The following GNAI2 variants were observed in gnomAD, a reference collection of about 807,000 sequenced individuals.
The protein encoded by GNAI2 is guanine nucleotide-binding protein G(i) subunit alpha-2.
In GNAI2, 4 loss-of-function variants were observed where a neutral mutation model predicts 36.8. The observed-to-expected ratio is 0.11, with a 90% CI of 0.05 to 0.25. The LOEUF is 0.25. Among genes scored for constraint, GNAI2 ranks in the 10% least tolerant of loss-of-function variants. The pLI is 1.00. For synonymous variants in GNAI2, 194 were observed against 194.1 expected, an observed-to-expected ratio of 1.00 and a Z score of 0.01; for missense variants, 230 against 481.3, an observed-to-expected ratio of 0.48 and a Z score of 4.89.
At chr3:50,248,140 CAGG>C (rs1700465409) in intron 1 of GNAI2, among the ~76,000 whole-genome samples, 1 of 152,184 alleles carries the variant, frequency 6.6e-6, no homozygotes, top group South Asian at 2.1e-4. Context: ...GAGGCTGAGG[CAGG>C]AGAATTGCTT....
chr3:50,259,071 C>G lies in GNAI2; in HGVS notation c.*728C>G. 5.2e-6 allele frequency: 2 copies of G among 388,252 alleles called. No homozygotes were observed. Among genetic ancestry groups the G allele is most frequent in the Middle Eastern group, 4.2e-4 (1 of 2,390 alleles). The allele number at this position is 388,252 out of a possible 1,614,324, so 24.1% of individuals were successfully genotyped here. ...TGGCCGCCCCCGTGCGAGCGGCACCCCTGCCCTGCCCTCCACAGAATTGGG... is the reference window on the plus strand; with the variant it reads ...TGGCCGCCCCCGTGCGAGCGGCACCGCTGCCCTGCCCTCCACAGAATTGGG... On this transcript the variant is annotated 3_prime_UTR_variant, in exon 9 of 9. Coordinates refer to ENST00000313601, the MANE Select transcript of GNAI2 (RefSeq NM_002070.4).
chr3:50,258,843 G>A lies in GNAI2; in HGVS notation c.*500G>A, dbSNP rs978074358. The A allele has an allele frequency of 2.3e-6, 1 of 426,234 alleles. No individual in the cohort carries two copies. The highest frequency in any genetic ancestry group is 4.6e-6 in the Non-Finnish European group (1 of 219,558). 26.4% of individuals were successfully genotyped at this position (426,234 alleles called of 1,614,324 possible). On this transcript the variant is annotated 3_prime_UTR_variant, in exon 9 of 9. Transcript: ENST00000313601. ...GAAGCGTGAGACGCCACCATTCCTG[G>A]AAACCACAGTCCACCTGCTCATTCT...
upstream of GNAI2, among the ~76,000 whole-genome samples, chr3:50,232,337 A>C (rs1553699860): frequency 6.6e-6 from 1 of 152,176 alleles, no homozygotes; most frequent in Non-Finnish European, 1.5e-5. Flanking sequence ...CTCAAAAAAA[A>C]AGAAATCACT....
intron 1 of GNAI2, chr3:50,247,131 T>G: frequency 1.4e-6 from 1 of 704,402 alleles, no homozygotes; most frequent in Non-Finnish European, 2.6e-6. Context: ...AACTTTTACC[T>G]GAATGCTCAC....
At chr3:50,229,558 T>G (rs58939948), upstream of GNAI2, 5 of 152,218 alleles carry the variant, frequency 3.3e-5, no homozygotes, top group Admixed American at 3.3e-4. Flanking sequence ...TGATGCCTCA[T>G]GGCAGTCCCC....
intron 1 of GNAI2, among the ~76,000 whole-genome samples, chr3:50,246,282 T>C (rs1279670915): frequency 6.6e-6 from 1 of 152,216 alleles, no homozygotes; most frequent in Non-Finnish European, 1.5e-5. Context: ...CGCCCCTGGC[T>C]GAGGCTGCTT....
At chr3:50,257,794 G>A (rs1287946296) in intron 8 of GNAI2, 80 bp downstream of exon 8, 4 of 356,242 alleles carry the variant, frequency 1.1e-5, no homozygotes, top group Non-Finnish European at 2.2e-5. Context: ...CTGGGGGTGG[G>A]TAGGGGGGTG....
At position 50,238,536 on chromosome 3, in the gene GNAI2, C is replaced by T. The variant is rs1700233968; in HGVS notation, c.118+2083C>T. 1 of 152,342 alleles carries T rather than the reference C, an allele frequency of 6.6e-6. No homozygotes were observed. The highest frequency in any genetic ancestry group is 2.4e-5 in the African/African-American group (1 of 41,460). 9.4% of individuals were successfully genotyped at this position (152,342 alleles called of 1,614,324 possible). On this transcript the variant is annotated intron_variant, in intron 1 of 8. Transcript: ENST00000313601. This position sits in a 1 kb window ranked among gnomAD's most constrained non-coding sequence, Gnocchi z 5.0. ...TGGGGTCCTGGCCTTCTGGCCTTTGCTTACTCTGTGAAATGGGCTTCCTGG... is the reference window on the plus strand; with the variant it reads ...TGGGGTCCTGGCCTTCTGGCCTTTGTTTACTCTGTGAAATGGGCTTCCTGG...
chr3:50,236,595 A>G lies in GNAI2; in HGVS notation c.118+142A>G. The G allele has an allele frequency of 1.7e-6, 2 of 1,197,968 alleles. No homozygotes were observed. Among genetic ancestry groups the G allele is most frequent in the South Asian group, 3.3e-5 (2 of 61,144 alleles). 74.2% of individuals were successfully genotyped at this position (1,197,968 alleles called of 1,614,324 possible). A position where few individuals can be genotyped will look rare whatever the true frequency, so the allele number is the denominator to read the frequency against. ...ACCTGGGCCAGGACCAGGGTTGAAA[A>G]CTCTAGATTGGACTAGACCTTTGAT... On this transcript the variant is annotated intron_variant, in intron 1 of 8. Coordinates refer to ENST00000313601, the MANE Select transcript of GNAI2 (RefSeq NM_002070.4). The surrounding 1 kb of genome is among the most constrained non-coding windows in gnomAD (Gnocchi z 4.0).
At position 50,256,922 on chromosome 3, in the gene GNAI2, C is replaced by G. The variant is rs1700716485; in HGVS notation, c.724-15C>G. 1 of 1,613,908 alleles carries G rather than the reference C, an allele frequency of 6.2e-7. No homozygotes were observed. The highest frequency in any genetic ancestry group is 8.5e-7 in the Non-Finnish European group (1 of 1,179,834). On this transcript the variant is annotated splice_polypyrimidine_tract_variant and intron_variant, in intron 6 of 8. Coordinates refer to ENST00000313601, the MANE Select transcript of GNAI2 (RefSeq NM_002070.4). ...GGAGTGGTGGCTAGCGTTGACCTTG[C>G]TATTCTACCCCCAGAACCGCATGCA... is the stretch of plus-strand genomic sequence containing the variant.
intron 1 of GNAI2, among the ~76,000 whole-genome samples, chr3:50,243,931 C>T (rs954073144): frequency 4.0e-5 from 6 of 150,972 alleles, no homozygotes; most frequent in African/African-American, 7.3e-5. Flanking sequence ...TTTTAGGAGG[C>T]GGAAAGGGAG....
Position 50,253,459 on chromosome 3 carries a change from T to C in GNAI2, c.464+275T>C, listed in dbSNP as rs1553702811. ...GTCTTGACAGTCTTCTAAAGAACAT[T>C]TGCGGCCGGGCGTGGTGGCTCACGC... On this transcript the variant is annotated intron_variant, in intron 4 of 8. Coordinates refer to ENST00000313601, the MANE Select transcript of GNAI2 (RefSeq NM_002070.4). The surrounding 1 kb of genome is among the most constrained non-coding windows in gnomAD (Gnocchi z 4.2). 6.6e-6 allele frequency among the ~76,000 whole-genome samples: 1 copy of C among 152,048 alleles called. No homozygotes were observed. Among genetic ancestry groups the C allele is most frequent in the African/African-American group, 2.4e-5 (1 of 41,392 alleles).
upstream of GNAI2, among the ~76,000 whole-genome samples, chr3:50,233,029 A>G (rs1255165750): frequency 6.6e-6 from 1 of 151,472 alleles, no homozygotes; most frequent in Admixed American, 6.6e-5. Flanking sequence ...CTGGCAATCA[A>G]AGAAGTCAGG....
At position 50,255,598 on chromosome 3, in the gene GNAI2, G is replaced by A. The variant is rs1700674969; in HGVS notation, c.465-594G>A. Among the ~76,000 whole-genome samples, 4 of 152,150 alleles carry A rather than the reference G, an allele frequency of 2.6e-5. No individual in the cohort carries two copies. The highest frequency in any genetic ancestry group is 2.6e-4 in the Admixed American group (4 of 15,276). On this transcript the variant is annotated intron_variant, in intron 4 of 8. Coordinates refer to ENST00000313601, the MANE Select transcript of GNAI2 (RefSeq NM_002070.4). This position sits in a 1 kb window ranked among gnomAD's most constrained non-coding sequence, Gnocchi z 4.0. ...AACATCCTGGATCCTGTCCGAGGCAGGTCTGGCTCAGACCCTGGGTGCTGG... is the reference window on the plus strand; with the variant it reads ...AACATCCTGGATCCTGTCCGAGGCAAGTCTGGCTCAGACCCTGGGTGCTGG...
At chr3:50,257,773 A>G in intron 8 of GNAI2, 59 bp downstream of exon 8, 2 of 402,450 alleles carry the variant, frequency 5.0e-6, no homozygotes, top group South Asian at 5.1e-5. Flanking sequence ...CTGGAGCCCC[A>G]GCAGGGGGTT....
At chr3:50,240,552 C>T (rs1265015939) in intron 1 of GNAI2, among the ~76,000 whole-genome samples, 1 of 152,194 alleles carries the variant, frequency 6.6e-6, no homozygotes, top group Non-Finnish European at 1.5e-5. Context: ...CCACTCATAA[C>T]CTGGGGGCAG....
intron 1 of GNAI2, among the ~76,000 whole-genome samples, chr3:50,249,918 C>A (rs1292377526): frequency 2.0e-5 from 3 of 152,218 alleles, no homozygotes; most frequent in Admixed American, 2.0e-4. Flanking sequence ...CCTGCTGCCG[C>A]TTGTTGAGCA....
At chr3:50,257,176 C>G in intron 7 of GNAI2, 86 bp downstream of exon 7, 1 of 1,166,492 alleles carries the variant, frequency 8.6e-7, no homozygotes, top group Non-Finnish European at 1.2e-6. Flanking sequence ...TCAGGCGCCC[C>G]CCACTGGACA....
At chr3:50,230,610 T>C (rs1553699712), upstream of GNAI2, 1 of 154,808 alleles carries the variant, frequency 6.5e-6, no homozygotes, top group Non-Finnish European at 1.4e-5. Flanking sequence ...GGGCTACTGC[T>C]CGATAGGAAC....
Sources: gnomAD v4.1 joint callset for allele counts (sites outside exome capture counted in the v4.1 genomes callset) on GRCh38, gnomAD v4.1.1 for gene constraint, Gnocchi (gnomAD v3.1) non-coding constraint, MANE v1.5 for transcripts, NCBI Gene and HGNC (gene_info 2026-07-23, HGNC 2026-07-21) for gene names.